Variants in NPC1 observed in about 807,000 individuals in gnomAD.
The protein encoded by NPC1 is Niemann-Pick C1 protein.
Under a neutral mutation model 140.4 loss-of-function variants are expected in NPC1, and 85 were observed. The observed-to-expected ratio is 0.61, with a 90% CI of 0.51 to 0.72. The LOEUF (loss-of-function observed/expected upper bound fraction) is 0.72. Among genes scored for constraint, NPC1 ranks in the 30% least tolerant of loss-of-function variants. The pLI, the probability that NPC1 is intolerant of heterozygous loss-of-function variation, is 0.00. For missense variants in NPC1, 1,504 were observed against 1,623.8 expected, an observed-to-expected ratio of 0.93 and a Z score of 1.27; for synonymous variants, 656 against 624.8, an observed-to-expected ratio of 1.05 and a Z score of -0.74.
rs756231382 is a variant in NPC1 at position 23,507,032 on chromosome 18, T to C, written c.432-390A>G. Reference sequence around the variant, plus strand: ...TCCTTAGAAAATAAGATATTGGCTGTTCAGAGGACCTCAAAGACTGTGGTA... The same window carrying C: ...TCCTTAGAAAATAAGATATTGGCTGCTCAGAGGACCTCAAAGACTGTGGTA... On this transcript the variant is annotated intron_variant, in intron 3 of 3. Coordinates refer to the NPC1 transcript ENST00000591107. The C allele has an allele frequency of 6.8e-6, 11 of 1,607,880 alleles. No homozygotes were observed. In the Admixed American group the frequency reaches 1.0e-4, roughly 15 times the overall value.
chr18:23,561,718 T>C (rs1458845350), intron 4 of NPC1, among the ~76,000 whole-genome samples, 191 bp from the exon 5 acceptor site: 2 of 151,948 alleles, frequency 1.3e-5, no homozygotes, highest in African/African-American at 4.8e-5. Flanking sequence ...CTGCAAATAA[T>C]ATGGAGGCCC....
chr18:23,578,874 G>A (rs1035419428), intron 1 of NPC1, among the ~76,000 whole-genome samples: 2 of 152,136 alleles, frequency 1.3e-5, no homozygotes, highest in African/African-American at 2.4e-5. Flanking sequence ...CGAACCTATC[G>A]CTCACTCCCA....
downstream of NPC1, chr18:23,518,965 C>CT: frequency 6.2e-7 from 1 of 1,614,170 alleles, no homozygotes; most frequent in Non-Finnish European, 8.5e-7. Flanking sequence ...AGGTGGTCCT[C>CT]TATCATCTAC....
chr18:23,527,786 C>A, downstream of NPC1: 1 of 1,609,438 alleles, frequency 6.2e-7, no homozygotes, highest in Non-Finnish European at 8.5e-7. Context: ...GAACATTGTG[C>A]CTTTCCAGTG....
intron 10 of NPC1, among the ~76,000 whole-genome samples, chr18:23,550,475 A>ATTTTTTTTTTTTT (rs1491268509): frequency 1.9e-4 from 10 of 53,492 alleles, no homozygotes; most frequent in East Asian, 1.0e-3. Context: ...CAGTTCTTAC[A>ATTTTTTTTTTTTT]TTTCTTTTTT....
intron 14 of NPC1, among the ~76,000 whole-genome samples, chr18:23,542,948 A>G (rs2058731777): frequency 6.6e-6 from 1 of 152,232 alleles, no homozygotes; most frequent in Non-Finnish European, 1.5e-5. Context: ...GAAGGAAGCC[A>G]CTTGCAAAAT....
chr18:23,524,311 A>T (rs765236943), downstream of NPC1: 27 of 1,486,170 alleles, frequency 1.8e-5, no homozygotes, highest in Non-Finnish European at 2.4e-5. Flanking sequence ...CTGACTGTCC[A>T]GGGGCCTCGC....
downstream of NPC1, chr18:23,526,745 T>C: frequency 6.2e-7 from 1 of 1,614,122 alleles, no homozygotes. Flanking sequence ...AAGATGGTCA[T>C]CCTGTCTGTC....
intron 3 of NPC1, among the ~76,000 whole-genome samples, chr18:23,569,954 T>C (rs1325124907): frequency 1.3e-5 from 2 of 152,242 alleles, no homozygotes; most frequent in Non-Finnish European, 2.9e-5. Flanking sequence ...TAGACTTGCA[T>C]TCTTGCAATC....
chr18:23,529,765 A>AC (rs1025783539), downstream of NPC1: 1 of 1,528,084 alleles, frequency 6.5e-7, no homozygotes, highest in African/African-American at 1.4e-5. Context: ...TTAAAAAAAA[A>AC]ACACAGTCAC....
At chr18:23,540,904 C>T (rs1319494498) in intron 16 of NPC1, among the ~76,000 whole-genome samples, 164 bp downstream of exon 16, 3 of 152,166 alleles carry the variant, frequency 2.0e-5, no homozygotes, top group South Asian at 2.1e-4. Flanking sequence ...TAAAAGCTCA[C>T]AGGAAAAACA....
chr18:23,517,654 T>A (rs560135529), downstream of NPC1, among the ~76,000 whole-genome samples: 2 of 152,150 alleles, frequency 1.3e-5, no homozygotes, highest in Non-Finnish European at 2.9e-5. Context: ...TTTATGGTAG[T>A]TAGTATAATG....
intron 3 of NPC1, chr18:23,509,270 A>C: frequency 7.0e-7 from 1 of 1,429,862 alleles, no homozygotes; most frequent in Non-Finnish European, 9.2e-7. Flanking sequence ...AAGGAATCGA[A>C]TTTTACCAGG....
chr18:23,518,677 A>G (rs2058070228), downstream of NPC1, among the ~76,000 whole-genome samples: 1 of 152,202 alleles, frequency 6.6e-6, no homozygotes, highest in Non-Finnish European at 1.5e-5. Context: ...TTCTTTTAAA[A>G]TATTATGATC....
Position 23,544,529 on chromosome 18 carries a change from G to C in NPC1, c.1948-3C>G, listed in dbSNP as rs2058757214. 1 of 1,613,990 alleles carries C rather than the reference G, an allele frequency of 6.2e-7. No individual in the cohort carries two copies. The highest frequency in any genetic ancestry group is 8.5e-7 in the Non-Finnish European group (1 of 1,179,908). On this transcript the variant is annotated splice_polypyrimidine_tract_variant and splice_region_variant and intron_variant, in intron 12 of 24. Transcript: ENST00000269228. Reference sequence around the variant, plus strand: ...CCTAGTGAGACCTTCGAATCCACCTGAGAGAGGCGACAGACACAATCACCA... The same window carrying C: ...CCTAGTGAGACCTTCGAATCCACCTCAGAGAGGCGACAGACACAATCACCA...
At chr18:23,534,246 C>T (rs1051988891) in intron 23 of NPC1, 200 bp downstream of exon 23, 3 of 639,248 alleles carry the variant, frequency 4.7e-6, no homozygotes, top group Non-Finnish European at 8.5e-6. Flanking sequence ...ACACTGCCAC[C>T]TAAAAAGGAG....
chr18:23,558,159 C>T (rs1304649078), intron 6 of NPC1, among the ~76,000 whole-genome samples: 2 of 152,140 alleles, frequency 1.3e-5, no homozygotes, highest in Admixed American at 6.5e-5. Flanking sequence ...CTGTTGCAGA[C>T]AAGACCCAAC....
At chr18:23,527,223 CAAAAAAAAAA>C (rs386387173), downstream of NPC1, among the ~76,000 whole-genome samples, 6 of 43,670 alleles carry the variant, frequency 1.4e-4, no homozygotes, top group Admixed American at 6.0e-4. Flanking sequence ...CCTGTCTCTA[CAAAAAAAAAA>C]AAAAAAAAAA....
chr18:23,509,217 T>G (rs767932485), intron 3 of NPC1: 2 of 1,442,702 alleles, frequency 1.4e-6, no homozygotes, highest in Admixed American at 5.0e-5. Flanking sequence ...CATTCTAGGA[T>G]TCTGCTGGAC....
Sources: allele counts gnomAD v4.1 joint callset (sites outside exome capture counted in the v4.1 genomes callset), GRCh38; gene constraint gnomAD v4.1.1; transcripts MANE v1.5; gene names NCBI Gene and HGNC (gene_info 2026-07-23, HGNC 2026-07-21).